MSRB3: variants seen among roughly 807,000 people sequenced by gnomAD.
The protein encoded by MSRB3 is methionine sulfoxide reductase B3.
MSRB3 carries 13 observed loss-of-function variants against 21.0 expected under a neutral mutation model. The ratio of observed to expected loss-of-function variants is 0.62; its 90% CI spans 0.40 to 0.98. The LOEUF (loss-of-function observed/expected upper bound fraction) is 0.98. Ranked by LOEUF, MSRB3 falls within the 50% of genes least tolerant of loss-of-function variation. The probability of loss-of-function intolerance (pLI) is 0.00; values close to 1 mark genes in which losing one functional copy is unlikely to be tolerated. For synonymous variants in MSRB3, 87 were observed against 88.6 expected (o/e 0.98, Z 0.10); for missense variants, 199 against 230.3 (o/e 0.86, Z 0.88).
Position 65,278,684 on chromosome 12 carries a change from T to A in MSRB3, c.-233T>A. 1 of 1,212,254 alleles carries A rather than the reference T, an allele frequency of 8.2e-7. No individual in the cohort carries two copies. Among genetic ancestry groups the A allele is most frequent in the Non-Finnish European group, 1.2e-6 (1 of 852,610 alleles). 75.1% of individuals were successfully genotyped at this position (1,212,254 alleles called of 1,614,324 possible). ...GCCCGTGCCCAGGAATTTCCCGTCA[T>A]GCCTCCCGCCGCCCCGTCCGTCGCC... On this transcript the variant is annotated 5_prime_UTR_variant, in exon 1 of 7. It removes an upstream start codon present in the reference 5' UTR. Coordinates refer to ENST00000308259, the MANE Select transcript of MSRB3 (RefSeq NM_001031679.3).
At chr12:65,419,146 A>G (rs1008055754) in intron 5 of MSRB3, 5 of 682,702 alleles carry the variant, frequency 7.3e-6, no homozygotes, top group South Asian at 1.6e-5. Context: ...CATCATCTCA[A>G]CAGCTCCAAC....
intron 4 of MSRB3, among the ~76,000 whole-genome samples, chr12:65,357,554 A>G (rs1302869226): frequency 6.6e-6 from 1 of 151,858 alleles, no homozygotes; most frequent in Admixed American, 6.6e-5. Flanking sequence ...CATTTTTTTC[A>G]TACTTTCTTA....
intron 5 of MSRB3, among the ~76,000 whole-genome samples, chr12:65,390,998 C>T (rs1440897064): frequency 6.6e-6 from 1 of 152,138 alleles, no homozygotes; most frequent in Non-Finnish European, 1.5e-5. Flanking sequence ...GTTTGTATGT[C>T]CATAAGCTTT....
At chr12:65,301,189 TTAAA>T (rs1873310301) in intron 1 of MSRB3, among the ~76,000 whole-genome samples, 1 of 152,120 alleles carries the variant, frequency 6.6e-6, no homozygotes, top group African/African-American at 2.4e-5. Context: ...CATGCAAATA[TTAAA>T]TAATATATAT....
chr12:65,430,103 T>C (rs1354021817), intron 5 of MSRB3, among the ~76,000 whole-genome samples: 1 of 152,154 alleles, frequency 6.6e-6, no homozygotes, highest in Non-Finnish European at 1.5e-5. Flanking sequence ...TCCTGAGCAC[T>C]GAAGGATGTA....
At chr12:65,448,940 A>G (rs1882736871) in intron 5 of MSRB3, among the ~76,000 whole-genome samples, 1 of 152,170 alleles carries the variant, frequency 6.6e-6, no homozygotes, top group Non-Finnish European at 1.5e-5. Context: ...TTGGAAGACT[A>G]TATTGCAACC....
chr12:65,437,423 A>G (rs1383250315), intron 5 of MSRB3, among the ~76,000 whole-genome samples: 2 of 151,884 alleles, frequency 1.3e-5, no homozygotes, highest in Non-Finnish European at 2.9e-5. Flanking sequence ...TCTCTCAGCA[A>G]GATCTGGTAG....
At chr12:65,363,438 T>A (rs1261136719) in intron 4 of MSRB3, among the ~76,000 whole-genome samples, 1 of 152,188 alleles carries the variant, frequency 6.6e-6, no homozygotes, top group East Asian at 1.9e-4. Context: ...TGACCTCTTT[T>A]GAAAATTTGC....
rs951810529 is a variant in MSRB3 at position 65,279,091 on chromosome 12, C to G, written c.-52+226C>G. On this transcript the variant is annotated intron_variant, in intron 1 of 6. Coordinates refer to ENST00000308259, the MANE Select transcript of MSRB3 (RefSeq NM_001031679.3). ...AAGGAGGTCAGGGCTGGTTTCCCCC[C>G]ACCCGCCGAAGGGAGGCGTCTGGCA... is the stretch of plus-strand genomic sequence containing the variant. 77 of 1,392,454 alleles carry G rather than the reference C, an allele frequency of 5.5e-5. 1 individual carries two copies. Among genetic ancestry groups the G allele is most frequent in the Non-Finnish European group, 6.7e-5 (72 of 1,078,214 alleles). 86.3% of individuals were successfully genotyped at this position (1,392,454 alleles called of 1,614,324 possible). A position where few individuals can be genotyped will look rare whatever the true frequency, so the allele number is the denominator to read the frequency against.
At chr12:65,317,802 G>C (rs977028378) in intron 2 of MSRB3, among the ~76,000 whole-genome samples, 4 of 152,096 alleles carry the variant, frequency 2.6e-5, no homozygotes, top group Non-Finnish European at 5.9e-5. Flanking sequence ...TATTGTTGCT[G>C]TTTTTAAACT....
At chr12:65,364,197 C>T (rs1877872801) in intron 4 of MSRB3, among the ~76,000 whole-genome samples, 1 of 152,108 alleles carries the variant, frequency 6.6e-6, no homozygotes, top group African/African-American at 2.4e-5. Context: ...AAGGGAATAA[C>T]TCAGATGTTA....
intron 4 of MSRB3, among the ~76,000 whole-genome samples, chr12:65,363,734 C>T (rs936402456): frequency 1.3e-5 from 2 of 152,056 alleles, no homozygotes; most frequent in Non-Finnish European, 1.5e-5. Flanking sequence ...ACCTGTAATC[C>T]TAGCACTTTG....
chr12:65,365,301 G>C (rs1247034919), intron 4 of MSRB3, among the ~76,000 whole-genome samples: 13 of 152,116 alleles, frequency 8.5e-5, no homozygotes, highest in Non-Finnish European at 1.9e-4. Flanking sequence ...CACACCATGT[G>C]GGGAGTGTTG....
At chr12:65,329,044 A>G (rs1039216692) in intron 4 of MSRB3, among the ~76,000 whole-genome samples, 2 of 152,242 alleles carry the variant, frequency 1.3e-5, no homozygotes. Context: ...AAATACCTGT[A>G]TTGAATGTAA....
chr12:65,463,262 C>A lies in MSRB3; in HGVS notation c.498C>A (p.Gly166=). The A allele has an allele frequency of 6.2e-7, 1 of 1,614,198 alleles. No individual in the cohort carries two copies. The highest frequency in any genetic ancestry group is 8.5e-7 in the Non-Finnish European group (1 of 1,180,046). Residue 166 remains glycine, a synonymous_variant, in exon 7 of 7, where the codon GGC becomes GGA. Transcript: ENST00000308259. ...ALSFTPADSS[G]TAEGGSGVAS... The stretch of plus-strand genomic sequence containing the variant: ...CTTTTACACCTGCGGATAGCAGTGG[C>A]ACCGCCGAGGGAGGCAGTGGGGTCG...
chr12:65,389,469 T>G (rs1267310469), intron 5 of MSRB3, among the ~76,000 whole-genome samples: 1 of 152,186 alleles, frequency 6.6e-6, no homozygotes, highest in Non-Finnish European at 1.5e-5. Context: ...TTATTAACTT[T>G]CATCATTGCT....
At chr12:65,395,153 C>A (rs956205722) in intron 5 of MSRB3, among the ~76,000 whole-genome samples, 1 of 152,106 alleles carries the variant, frequency 6.6e-6, no homozygotes, top group African/African-American at 2.4e-5. Flanking sequence ...TCTCTATTTG[C>A]AGATGATATG....
intron 5 of MSRB3, among the ~76,000 whole-genome samples, chr12:65,408,990 A>G (rs1239282350): frequency 6.6e-6 from 1 of 152,154 alleles, no homozygotes; most frequent in Non-Finnish European, 1.5e-5. Context: ...ACAACCTGGT[A>G]GGGCTTCTAG....
At chr12:65,407,440 G>A (rs1880476065) in intron 5 of MSRB3, among the ~76,000 whole-genome samples, 1 of 151,698 alleles carries the variant, frequency 6.6e-6, no homozygotes. Flanking sequence ...TGTTCCAGCT[G>A]TAGGTAAAGT....
Sources: allele counts gnomAD v4.1 joint callset (sites outside exome capture counted in the v4.1 genomes callset), GRCh38; gene constraint gnomAD v4.1.1; transcripts MANE v1.5; gene names NCBI Gene and HGNC (gene_info 2026-07-23, HGNC 2026-07-21).